NUP107: variants seen among roughly 807,000 people sequenced by gnomAD.
NUP107 encodes nuclear pore complex protein Nup107.
In NUP107, 101 loss-of-function variants were observed where a neutral mutation model predicts 141.0. The ratio of observed to expected loss-of-function variants is 0.72; its 90% CI spans 0.61 to 0.84. The LOEUF (loss-of-function observed/expected upper bound fraction) is 0.84, where lower values mean the gene tolerates loss of function less well. Ranked by LOEUF, NUP107 falls within the 40% of genes least tolerant of loss-of-function variation. The probability of loss-of-function intolerance (pLI) is 0.00; values close to 1 mark genes in which losing one functional copy is unlikely to be tolerated. For missense variants in NUP107, 941 were observed against 1,102.7 expected, an observed-to-expected ratio of 0.85 and a Z score of 2.08; for synonymous variants, 319 against 363.9, an observed-to-expected ratio of 0.88 and a Z score of 1.41.
chr12:68,731,555 A>G (rs1242374205), intron 21 of NUP107, 52 bp from the exon 22 acceptor site: 6 of 1,016,936 alleles, frequency 5.9e-6, no homozygotes, highest in Admixed American at 2.6e-5. Context: ...TTTAGAGAAT[A>G]TTAGTATCAA....
At chr12:68,711,550 G>A (rs1181786648) in intron 10 of NUP107, among the ~76,000 whole-genome samples, 6 of 144,918 alleles carry the variant, frequency 4.1e-5, no homozygotes, top group Admixed American at 6.9e-5. Context: ...AAAAAAAAAA[G>A]GATTAGAATT....
At chr12:68,733,859 T>G (rs1195833689) in intron 24 of NUP107, among the ~76,000 whole-genome samples, 1 of 152,244 alleles carries the variant, frequency 6.6e-6, no homozygotes, top group African/African-American at 2.4e-5. Flanking sequence ...CTGGAAGTTA[T>G]GTTTTCTTAA....
At chr12:68,727,438 A>G in intron 20 of NUP107, 49 bp downstream of exon 20, 1 of 1,042,428 alleles carries the variant, frequency 9.6e-7, no homozygotes, top group Non-Finnish European at 1.4e-6. Flanking sequence ...ATTTTAATGA[A>G]AACAAAACTC....
At position 68,689,001 on chromosome 12, in the gene NUP107, G is replaced by A. The variant is rs772696517; in HGVS notation, c.48G>A (p.Glu16=). ...AGATATCATCCCCTGTAATCCGGGA[G>A]GCAGAGGTGACACGGACTGCACGGA... The part of the protein sequence containing the change: ...FGEISSPVIR[E]AEVTRTARKQ... The change falls in exon 2 of 28, where the codon GAG becomes GAA. Residue 16 remains glutamate, a synonymous_variant. Coordinates refer to ENST00000229179, the MANE Select transcript of NUP107 (RefSeq NM_020401.4). 1 of 1,613,838 alleles carries A rather than the reference G, an allele frequency of 6.2e-7. No individual in the cohort carries two copies. The highest frequency in any genetic ancestry group is 1.1e-5 in the South Asian group (1 of 91,054).
At chr12:68,731,385 T>G in intron 21 of NUP107, 125 bp downstream of exon 21, 1 of 1,006,702 alleles carries the variant, frequency 9.9e-7, no homozygotes, top group Non-Finnish European at 1.4e-6. Flanking sequence ...AATAAAATTT[T>G]CAGGGAATTT....
intron 26 of NUP107, among the ~76,000 whole-genome samples, chr12:68,736,013 G>A (rs1399286042): frequency 2.0e-5 from 3 of 152,184 alleles, no homozygotes; most frequent in Admixed American, 2.0e-4. Context: ...GAATTTGGAT[G>A]AGCTGAGATG....
chr12:68,733,487 G>A lies in NUP107; in HGVS notation c.2137G>A (p.Val713Met). The A allele has an allele frequency of 6.2e-7, 1 of 1,609,638 alleles. No homozygotes were observed. The highest frequency in any genetic ancestry group is 8.5e-7 in the Non-Finnish European group (1 of 1,178,520). Residue 713 changes from valine (V) to methionine (M), a missense_variant, in exon 24 of 28, where the codon GTG (valine) becomes ATG (methionine). Coordinates refer to ENST00000229179, the MANE Select transcript of NUP107 (RefSeq NM_020401.4). ...KKHEAAKEVF[V>M]KIPQDSIAEI... Reference sequence around the variant, plus strand: ...GCACGAAGCTGCAAAAGAAGTATTTGTGAAAATTCCTCAGGATTCTATAGC... The same window carrying A: ...GCACGAAGCTGCAAAAGAAGTATTTATGAAAATTCCTCAGGATTCTATAGC...
At chr12:68,718,194 C>G (rs1877192944) in intron 12 of NUP107, among the ~76,000 whole-genome samples, 1 of 152,176 alleles carries the variant, frequency 6.6e-6, no homozygotes. Flanking sequence ...TCCAAGCTTA[C>G]ATGGAGCTAG....
intron 8 of NUP107, chr12:68,706,671 G>C (rs1876597735): frequency 1.4e-6 from 1 of 730,602 alleles, no homozygotes; most frequent in Non-Finnish European, 2.6e-6. Context: ...GGCAGTTAAG[G>C]ATGCCAACAC....
At chr12:68,703,394 C>A (rs1487918551) in intron 8 of NUP107, among the ~76,000 whole-genome samples, 1 of 152,000 alleles carries the variant, frequency 6.6e-6, no homozygotes, top group Admixed American at 6.6e-5. Flanking sequence ...TGTATACACA[C>A]ACACATTTGT....
chr12:68,718,659 G>A (rs1877211317), intron 12 of NUP107, among the ~76,000 whole-genome samples: 1 of 151,840 alleles, frequency 6.6e-6, no homozygotes, highest in African/African-American at 2.4e-5. Context: ...GCCAGGTATG[G>A]TGGCTCATAC....
At chr12:68,687,395 C>G (rs1278678081) in intron 1 of NUP107, 8 of 1,077,126 alleles carry the variant, frequency 7.4e-6, no homozygotes, top group Non-Finnish European at 8.2e-6. Context: ...AGTGACCAGC[C>G]TGAGATCACA....
rs1878459341 is a variant in NUP107 at position 68,744,799 on chromosome 12, T to A, written c.*2337T>A. 6.6e-6 allele frequency: 1 copy of A among 152,216 alleles called. No homozygotes were observed. The highest frequency in any genetic ancestry group is 6.5e-5 in the Admixed American group (1 of 15,276). 9.4% of individuals were successfully genotyped at this position (152,216 alleles called of 1,614,324 possible). On this transcript the variant is annotated 3_prime_UTR_variant, in exon 28 of 28. Transcript: ENST00000229179. ...GCTCCTCACAATTCCCAAATGCCTCTCTTCCTGAACACCAGAAGTGGTGGG... is the reference window on the plus strand; with the variant it reads ...GCTCCTCACAATTCCCAAATGCCTCACTTCCTGAACACCAGAAGTGGTGGG...
At position 68,713,784 on chromosome 12, in the gene NUP107, T is replaced by G; in HGVS notation, c.945T>G (p.Ser315Arg). ...KQRQLTSYVGSVRPLVTELDP... is the reference protein window; with the variant it reads ...KQRQLTSYVGRVRPLVTELDP... ...GGCAGCTGACTTCTTACGTTGGAAG[T>G]GTTCGTCCGCTTGTCACTGAATTGG... The change falls in exon 11 of 28, where the codon AGT becomes AGG. Residue 315 changes from serine (S) to arginine (R), a missense_variant. Coordinates refer to ENST00000229179, the MANE Select transcript of NUP107 (RefSeq NM_020401.4). 1 of 1,611,102 alleles carries G rather than the reference T, an allele frequency of 6.2e-7. No homozygotes were observed. The highest frequency in any genetic ancestry group is 8.5e-7 in the Non-Finnish European group (1 of 1,179,050).
chr12:68,726,034 G>A (rs901777677), intron 18 of NUP107, among the ~76,000 whole-genome samples: 2 of 151,564 alleles, frequency 1.3e-5, no homozygotes, highest in Admixed American at 6.6e-5. Context: ...ACGGGGTTTC[G>A]CTGTTGGCCA....
At chr12:68,706,713 A>G (rs575656017) in intron 8 of NUP107, 40 of 753,574 alleles carry the variant, frequency 5.3e-5, no homozygotes, top group Admixed American at 2.2e-4. Context: ...GGGCGGGCCA[A>G]GCAGGACATG....
Position 68,731,700 on chromosome 12 carries a change from TAG to T in NUP107, c.1981_1982del (p.Asp661TyrfsTer5). 1 of 1,565,354 alleles carries T rather than the reference TAG, an allele frequency of 6.4e-7. No individual in the cohort carries two copies. The highest frequency in any genetic ancestry group is 2.0e-5 in the Admixed American group (1 of 48,968). On this transcript the variant is annotated frameshift_variant, in exon 22 of 28. Transcript: ENST00000229179. LOFTEE classifies it high-confidence loss of function. The stretch of plus-strand genomic sequence containing the variant: ...AGTCATCATGACCTGGCCCCAGCCC[TAG>T]ATACTGGCACTACTGAGGTAATTTG...
chr12:68,719,524 G>C (rs1877263194), intron 13 of NUP107, 54 bp from the exon 14 acceptor site: 8 of 1,561,082 alleles, frequency 5.1e-6, no homozygotes, highest in African/African-American at 1.4e-5. Flanking sequence ...TTTTTAGAAA[G>C]AATTGTAATA....
Position 68,725,450 on chromosome 12 carries a change from A to T in NUP107, c.1507-277A>T, listed in dbSNP as rs1048790399. ...AAGGTAAATAGGAATAAAATATAAG[A>T]ATAAAAGTTTAATACCATTGAGAGA... On this transcript the variant is annotated intron_variant, in intron 17 of 27. Transcript: ENST00000229179. 7.9e-5 allele frequency among the ~76,000 whole-genome samples: 12 copies of T among 152,212 alleles called. No homozygotes were observed. In the South Asian group the frequency reaches 1.0e-3, roughly 13 times the overall value.
Sources: allele counts gnomAD v4.1 joint callset (sites outside exome capture counted in the v4.1 genomes callset), GRCh38; gene constraint gnomAD v4.1.1; transcripts MANE v1.5; gene names NCBI Gene and HGNC (gene_info 2026-07-23, HGNC 2026-07-21).